SHQ1: variants seen among roughly 807,000 people sequenced by gnomAD.
SHQ1 encodes the protein protein SHQ1 homolog.
In SHQ1, 49 loss-of-function variants were observed where a neutral mutation model predicts 53.8. The observed-to-expected ratio is 0.91, with a 90% CI of 0.72 to 1.16. The LOEUF (loss-of-function observed/expected upper bound fraction) is 1.16. Ranked by LOEUF, SHQ1 falls within the 50% of genes most tolerant of loss-of-function variation. The pLI, the probability that SHQ1 is intolerant of heterozygous loss-of-function variation, is 0.00. For missense variants in SHQ1, 738 were observed against 683.1 expected (o/e 1.08, Z -0.90); for synonymous variants, 243 against 251.0 (o/e 0.97, Z 0.30).
the SHQ1 span, among the ~76,000 whole-genome samples, chr3:72,744,259 G>A: frequency 6.6e-6 from 1 of 152,112 alleles, no homozygotes; most frequent in East Asian, 1.9e-4. Flanking sequence ...AATGTTTCTT[G>A]GGAAATAGCT....
chr3:72,787,250 C>T (rs186493148), intron 10 of SHQ1, among the ~76,000 whole-genome samples: 1 of 152,164 alleles, frequency 6.6e-6, no homozygotes, highest in Admixed American at 6.5e-5. Flanking sequence ...CAGTTTAATG[C>T]AAAGAGGGTT....
intron 9 of SHQ1, chr3:72,795,439 T>G (rs113323397): frequency 4.7e-4 from 72 of 152,220 alleles, no homozygotes; most frequent in African/African-American, 1.5e-3. Flanking sequence ...GGAGGAAATA[T>G]AATCAAAATT....
intron 2 of SHQ1, among the ~76,000 whole-genome samples, chr3:72,844,055 T>C (rs1708256414): frequency 6.6e-6 from 1 of 152,238 alleles, no homozygotes; most frequent in African/African-American, 2.4e-5. Flanking sequence ...TTTTTTATGA[T>C]CAATCATTTC....
At chr3:72,792,372 C>T (rs544026468) in intron 10 of SHQ1, among the ~76,000 whole-genome samples, 1 of 152,288 alleles carries the variant, frequency 6.6e-6, no homozygotes, top group South Asian at 2.1e-4. Flanking sequence ...CCAATTTTTT[C>T]TAATAAAATT....
At chr3:72,751,499 TGTGTGTGTG>T (rs1559657377) in intron 10 of SHQ1, among the ~76,000 whole-genome samples, 5 of 92,486 alleles carry the variant, frequency 5.4e-5, no homozygotes, top group African/African-American at 2.6e-4. Flanking sequence ...TGTGTGTGTG[TGTGTGTGTG>T]TATATATATA....
intron 9 of SHQ1, among the ~76,000 whole-genome samples, chr3:72,805,787 A>C (rs1382139767): frequency 6.6e-6 from 1 of 152,200 alleles, no homozygotes; most frequent in Non-Finnish European, 1.5e-5. Flanking sequence ...GATATTTTTG[A>C]AGCCAAATAA....
Position 72,838,862 on chromosome 3 carries a change from G to C in SHQ1, c.486+2183C>G, listed in dbSNP as rs1031927359. 4.0e-5 allele frequency among the ~76,000 whole-genome samples: 6 copies of C among 151,828 alleles called. No homozygotes were observed. In the South Asian group the frequency reaches 8.3e-4, roughly 21 times the overall value. The stretch of plus-strand genomic sequence containing the variant: ...GGATTAGACAGGAGTCAACTATATT[G>C]GTTAATGTTTAATGTTTTTAACCTA... On this transcript the variant is annotated intron_variant, in intron 4 of 10. Transcript: ENST00000325599.
rs115827477 is a variant in SHQ1 at position 72,829,733 on chromosome 3, C to T, written c.599+2636G>A. ...AAAATTATCACAATTTAAAATGGTACAACAAATGGTATAAGATCATTTTTG... is the reference window on the plus strand; with the variant it reads ...AAAATTATCACAATTTAAAATGGTATAACAAATGGTATAAGATCATTTTTG... On this transcript the variant is annotated intron_variant, in intron 5 of 10. Transcript: ENST00000325599. Among the ~76,000 whole-genome samples, 841 of 152,200 alleles carry T rather than the reference C, an allele frequency of 5.5e-3. 10 individuals carry two copies. The highest frequency in any genetic ancestry group is 0.02 in the African/African-American group (811 of 41,518).
rs967958110 is a variant in SHQ1 at position 72,836,488 on chromosome 3, CA to C, written c.487-4008del. 7.1e-3 allele frequency among the ~76,000 whole-genome samples: 995 copies of C among 139,670 alleles called. 9 individuals carry two copies. Among genetic ancestry groups the C allele is most frequent in the African/African-American group, 0.022 (824 of 38,314 alleles). 91.6% of individuals were successfully genotyped at this position (139,670 alleles called of 152,430 possible). ...TGGGCAACAAAGCAAGACTCCGTCT[CA>C]AAAAAAAAAAAGAAAGCAGCTCTTT... On this transcript the variant is annotated intron_variant, in intron 4 of 10. Coordinates refer to ENST00000325599, the MANE Select transcript of SHQ1 (RefSeq NM_018130.3).
rs764490913 is a variant in SHQ1, at chr3:72,841,137, T to C, written c.394A>G (p.Thr132Ala). The change falls in exon 4 of 11, where the codon ACA (threonine) becomes GCA (alanine). Residue 132 changes from threonine (T) to alanine (A), a missense_variant. Transcript: ENST00000325599. ...DEEFDWEIEQ[T>A]PCEEVSESAL... ...CTTTCTGATACCTCTTCACAGGGTG[T>C]CTGCTCAATTTCCCAATCAAACTCT... 36 of 1,613,808 alleles carry C rather than the reference T, an allele frequency of 2.2e-5. No individual in the cohort carries two copies. The South Asian group carries it at 3.4e-4, about 15-fold the overall frequency.
intron 8 of SHQ1, among the ~76,000 whole-genome samples, chr3:72,813,654 G>A (rs1217689603): frequency 2.0e-5 from 3 of 150,484 alleles, no homozygotes; most frequent in Non-Finnish European, 4.4e-5. Flanking sequence ...CCAGCTACTC[G>A]GGAAGCTGAG....
Position 72,750,629 on chromosome 3 carries a change from G to A in SHQ1, c.1389C>T (p.Ser463=), listed in dbSNP as rs757163036. 17 of 1,614,136 alleles carry A rather than the reference G, an allele frequency of 1.1e-5. No individual in the cohort carries two copies. Among genetic ancestry groups the A allele is most frequent in the South Asian group, 6.6e-5 (6 of 91,074 alleles). Residue 463 remains serine (S), a synonymous_variant, in exon 11 of 11, where the codon AGC becomes AGT. Coordinates refer to ENST00000325599, the MANE Select transcript of SHQ1 (RefSeq NM_018130.3). ...EASDSEDSDS[S]VSSGNEDSGS... ...CTGAGTCTTCGTTTCCAGATGACAC[G>A]CTGCTGTCTGAGTCCTCCGAATCAC...
intron 9 of SHQ1, among the ~76,000 whole-genome samples, chr3:72,804,006 T>G (rs1706866897): frequency 6.6e-6 from 1 of 152,148 alleles, no homozygotes; most frequent in South Asian, 2.1e-4. Context: ...AACCTCGAAC[T>G]CCTGGGCTCA....
downstream of SHQ1, chr3:72,749,263 G>A (rs115218658): frequency 2.4e-3 from 513 of 217,860 alleles, 7 homozygotes; most frequent in African/African-American, 0.011. Flanking sequence ...GAAAGCATAC[G>A]TCCACATGAA....
At chr3:72,743,718 A>T in the SHQ1 span, among the ~76,000 whole-genome samples, 1 of 152,176 alleles carries the variant, frequency 6.6e-6, no homozygotes, top group Admixed American at 6.5e-5. Context: ...GTGTCGTCTG[A>T]AGGTGTTGTG....
At position 72,755,328 on chromosome 3, in the gene SHQ1, CAGAT is replaced by C. The variant is rs200606447; in HGVS notation, c.1182-4496_1182-4493del. Among the ~76,000 whole-genome samples the C allele has an allele frequency of 3.7e-4, 57 of 152,062 alleles. No homozygotes were observed. In the East Asian group the frequency reaches 9.8e-3, roughly 26 times the overall value. On this transcript the variant is annotated intron_variant, in intron 10 of 10. Transcript: ENST00000325599. Reference sequence around the variant, plus strand: ...GATGGATGGATGATAGATAGATAGACAGATAAATTGATTTTTGATCCTTTGCCAA... The same window carrying C: ...GATGGATGGATGATAGATAGATAGACAAATTGATTTTTGATCCTTTGCCAA...
At chr3:72,752,763 G>A (rs1705415777) in intron 10 of SHQ1, among the ~76,000 whole-genome samples, 1 of 152,048 alleles carries the variant, frequency 6.6e-6, no homozygotes, top group African/African-American at 2.4e-5. Flanking sequence ...TCCTGACCTC[G>A]TGATCTGCCA....
intron 3 of SHQ1, 120 bp downstream of exon 3, chr3:72,842,160 C>A (rs1708194308): frequency 1.8e-6 from 2 of 1,129,662 alleles, no homozygotes; most frequent in Admixed American, 4.3e-5. Context: ...CACATGATCA[C>A]CTTATACCTG....
At position 72,844,403 on chromosome 3, in the gene SHQ1, A is replaced by G. The variant is rs776072161; in HGVS notation, c.164T>C (p.Ile55Thr). 5 of 1,613,706 alleles carry G rather than the reference A, an allele frequency of 3.1e-6. No homozygotes were observed. The South Asian group carries it at 5.5e-5, about 18-fold the overall frequency. ...CCCTTGCTCACTTCCATTTTCTACA[A>G]TTCTTCCAGGAAGGGTTAATCTGCA... Reference protein sequence around the residue: ...YFLRLTLPGRIVENGSEQGSY... With the variant: ...YFLRLTLPGRTVENGSEQGSY... Residue 55 changes from isoleucine to threonine, a missense_variant, in exon 2 of 11, where the codon ATT (isoleucine) becomes ACT (threonine). By Grantham distance (89) the Ile-to-Thr change is moderately conservative (BLOSUM62 -1). Coordinates refer to ENST00000325599, the MANE Select transcript of SHQ1 (RefSeq NM_018130.3).
Sources: gnomAD v4.1 joint callset for allele counts (sites outside exome capture counted in the v4.1 genomes callset) on GRCh38, gnomAD v4.1.1 for gene constraint, MANE v1.5 for transcripts, NCBI Gene and HGNC (gene_info 2026-07-23, HGNC 2026-07-21) for gene names.